BTBD9: variants seen among roughly 807,000 people sequenced by gnomAD.
BTBD9 encodes BTB/POZ domain-containing protein 9.
In BTBD9, 49 loss-of-function variants were observed where a neutral mutation model predicts 64.3. The ratio of observed to expected loss-of-function variants is 0.76; its 90% CI spans 0.61 to 0.97. The LOEUF (loss-of-function observed/expected upper bound fraction) is 0.97, where lower values mean the gene tolerates loss of function less well. BTBD9 is among the 50% of genes least tolerant of loss of function. BTBD9 has a pLI of 0.00. For missense variants in BTBD9, 598 were observed against 762.1 expected (o/e 0.78, Z 2.53); for synonymous variants, 260 against 274.7 (o/e 0.95, Z 0.53).
intron 6 of BTBD9, among the ~76,000 whole-genome samples, chr6:38,429,285 T>C (rs1768327315): frequency 6.6e-6 from 1 of 150,744 alleles, no homozygotes; most frequent in Non-Finnish European, 1.5e-5. Context: ...TGAGACCCTG[T>C]CTCTACTAAA....
chr6:38,545,862 AC>A (rs1197109667), intron 6 of BTBD9, among the ~76,000 whole-genome samples: 1 of 65,236 alleles, frequency 1.5e-5, no homozygotes, highest in Non-Finnish European at 4.6e-5. Flanking sequence ...ACATACACAC[AC>A]ACACACACAC....
intron 9 of BTBD9, among the ~76,000 whole-genome samples, chr6:38,195,705 A>G (rs902230887): frequency 2.0e-5 from 3 of 152,000 alleles, no homozygotes; most frequent in African/African-American, 7.2e-5. Context: ...ACACATACGT[A>G]TTATTTTTAA....
Position 38,382,527 on chromosome 6 carries a change from A to G in BTBD9, c.1155-37434T>C, listed in dbSNP as rs539798630. Among the ~76,000 whole-genome samples, 788 of 151,702 alleles carry G rather than the reference A, an allele frequency of 5.2e-3. 5 individuals are homozygous for G. The highest frequency in any genetic ancestry group is 0.017 in the Middle Eastern group (5 of 294). On this transcript the variant is annotated intron_variant, in intron 6 of 10. Transcript: ENST00000481247. ...GCCAGACCTTGTCTCAAAAAAAAAA[A>G]AAAAGAAAAGAAAAAAAAACAACAG... is the stretch of plus-strand genomic sequence containing the variant.
At chr6:38,633,378 T>C (rs987458842) in intron 1 of BTBD9, among the ~76,000 whole-genome samples, 3 of 152,332 alleles carry the variant, frequency 2.0e-5, no homozygotes, top group African/African-American at 7.2e-5. Context: ...ATTAGTAAAA[T>C]GGAGATAATG....
chr6:38,478,064 A>G (rs1770971567), intron 6 of BTBD9, among the ~76,000 whole-genome samples: 1 of 152,212 alleles, frequency 6.6e-6, no homozygotes, highest in Admixed American at 6.5e-5. Flanking sequence ...AGGTAAGACA[A>G]AAAGCATGTG....
At chr6:38,372,014 C>A in intron 6 of BTBD9, among the ~76,000 whole-genome samples, 1 of 152,134 alleles carries the variant, frequency 6.6e-6, no homozygotes, top group East Asian at 1.9e-4. Flanking sequence ...TAACAAATCA[C>A]ACCTCAGTGT....
intron 6 of BTBD9, among the ~76,000 whole-genome samples, chr6:38,545,574 T>C (rs1774495640): frequency 6.6e-6 from 1 of 151,734 alleles, no homozygotes; most frequent in African/African-American, 2.4e-5. Flanking sequence ...GGTCAGGAGA[T>C]CGAGACCATC....
chr6:38,481,958 CT>C (rs1771168931), intron 6 of BTBD9: 1 of 152,194 alleles, frequency 6.6e-6, no homozygotes, highest in Non-Finnish European at 1.5e-5. Context: ...TATAACCAGC[CT>C]TTTTGCCAGG....
At chr6:38,497,307 G>C (rs1232559477) in intron 6 of BTBD9, among the ~76,000 whole-genome samples, 1 of 152,096 alleles carries the variant, frequency 6.6e-6, no homozygotes, top group East Asian at 1.9e-4. Context: ...GGCAGTTGCT[G>C]TATACGATCT....
intron 9 of BTBD9, among the ~76,000 whole-genome samples, chr6:38,213,739 T>C (rs1291648116): frequency 2.0e-5 from 3 of 152,112 alleles, no homozygotes; most frequent in East Asian, 3.9e-4. Context: ...CCCAGCACTT[T>C]GGGAGGCTGA....
chr6:38,341,186 A>G (rs140922078), intron 7 of BTBD9, among the ~76,000 whole-genome samples: 2 of 152,220 alleles, frequency 1.3e-5, no homozygotes, highest in African/African-American at 4.8e-5. Flanking sequence ...GATTTACTCA[A>G]CCTATAAAAA....
rs1215541465 is a variant in BTBD9 at position 38,171,552 on chromosome 6, ACGGGTGTGTGTGTGTGTG to A, written c.*3415_*3432del. 7 of 128,032 alleles carry A rather than the reference ACGGGTGTGTGTGTGTGTG, an allele frequency of 5.5e-5. No homozygotes were observed. The highest frequency in any genetic ancestry group is 3.7e-3 in the Middle Eastern group (1 of 270). 7.9% of individuals were successfully genotyped at this position (128,032 alleles called of 1,614,324 possible). A position where few individuals can be genotyped will look rare whatever the true frequency, so the allele number is the denominator to read the frequency against. On this transcript the variant is annotated 3_prime_UTR_variant, in exon 11 of 11. Transcript: ENST00000481247. ...GAAAAAGCACTGAGAAAATGGTAAA[ACGGGTGTGTGTGTGTGTG>A]TGTGTGTGTGTGTGTGTGTGTGTGT...
chr6:38,543,581 G>T (rs1774387801), intron 6 of BTBD9, among the ~76,000 whole-genome samples: 1 of 151,980 alleles, frequency 6.6e-6, no homozygotes, highest in African/African-American at 2.4e-5. Flanking sequence ...CTTTTTTGCA[G>T]GTTGGCATGC....
chr6:38,448,277 G>C (rs1180364658), intron 6 of BTBD9, among the ~76,000 whole-genome samples: 1 of 152,112 alleles, frequency 6.6e-6, no homozygotes, highest in Non-Finnish European at 1.5e-5. Context: ...ATCAAATGAG[G>C]AAAGGAAAGG....
At chr6:38,300,452 T>G (rs1314640126) in intron 7 of BTBD9, among the ~76,000 whole-genome samples, 1 of 152,218 alleles carries the variant, frequency 6.6e-6, no homozygotes, top group Non-Finnish European at 1.5e-5. Context: ...CCTTGGGCAG[T>G]GTGACCATTT....
At chr6:38,368,286 G>C (rs187173221) in intron 6 of BTBD9, among the ~76,000 whole-genome samples, 1 of 152,230 alleles carries the variant, frequency 6.6e-6, no homozygotes, top group African/African-American at 2.4e-5. Context: ...CCCTTTGGGG[G>C]AATACATTGC....
intron 9 of BTBD9, among the ~76,000 whole-genome samples, chr6:38,207,666 ACT>A (rs757076006): frequency 5.3e-5 from 8 of 151,914 alleles, no homozygotes; most frequent in Admixed American, 1.3e-4. Context: ...ATAAAATTAC[ACT>A]GAGACCTTGA....
intron 1 of BTBD9, among the ~76,000 whole-genome samples, chr6:38,605,649 C>T (rs1777406998): frequency 1.3e-5 from 2 of 152,096 alleles, no homozygotes; most frequent in South Asian, 4.1e-4. Context: ...CCCTTATCTA[C>T]ACAACTTTTT....
chr6:38,554,736 A>G (rs894016423), intron 6 of BTBD9, among the ~76,000 whole-genome samples: 5 of 152,198 alleles, frequency 3.3e-5, no homozygotes, highest in Non-Finnish European at 5.9e-5. Flanking sequence ...CCAGACTCTA[A>G]GACTTAAAAA....
Sources: gnomAD v4.1 joint callset for allele counts (sites outside exome capture counted in the v4.1 genomes callset) on GRCh38, gnomAD v4.1.1 for gene constraint, MANE v1.5 for transcripts, NCBI Gene and HGNC (gene_info 2026-07-23, HGNC 2026-07-21) for gene names.